SULT6B1: variants seen among roughly 807,000 people sequenced by gnomAD.
SULT6B1 encodes sulfotransferase family 6B member 1.
Under a neutral mutation model 37.2 loss-of-function variants are expected in SULT6B1, and 44 were observed. That is an observed-to-expected ratio of 1.18 (90% CI 0.93 to 1.52). SULT6B1 has a LOEUF of 1.52. Among genes scored for constraint, SULT6B1 ranks in the 40% most tolerant of loss-of-function variants. SULT6B1 has a pLI of 0.00. For missense variants in SULT6B1, 450 were observed against 361.0 expected, an observed-to-expected ratio of 1.25 and a Z score of -2.00; for synonymous variants, 140 against 126.0, an observed-to-expected ratio of 1.11 and a Z score of -0.74.
intron 5 of SULT6B1, among the ~76,000 whole-genome samples, chr2:37,174,716 C>T (rs1315914323): frequency 6.6e-6 from 1 of 152,196 alleles, no homozygotes; most frequent in Non-Finnish European, 1.5e-5. Context: ...TGTCTGTTCA[C>T]TGATGTAACA....
chr2:37,189,286 A>G (rs994097367), upstream of SULT6B1, among the ~76,000 whole-genome samples: 1 of 152,232 alleles, frequency 6.6e-6, no homozygotes, highest in Non-Finnish European at 1.5e-5. Flanking sequence ...GTTACCCCAT[A>G]TGGGTCTGCA....
chr2:37,183,797 C>G (rs1478869739), intron 2 of SULT6B1, among the ~76,000 whole-genome samples: 4 of 152,140 alleles, frequency 2.6e-5, no homozygotes, highest in African/African-American at 9.7e-5. Context: ...GTATCTACCA[C>G]CATGCCCAGT....
At chr2:37,168,722 G>A (rs1326443222) in intron 6 of SULT6B1, among the ~76,000 whole-genome samples, 3 of 152,062 alleles carry the variant, frequency 2.0e-5, no homozygotes, top group Admixed American at 1.3e-4. Context: ...GCAAGTTTTC[G>A]TTAAGACCTC....
At chr2:37,194,420 G>A (rs1437222022) in intron 1 of SULT6B1, 2 of 431,220 alleles carry the variant, frequency 4.6e-6, no homozygotes, top group Non-Finnish European at 9.0e-6. Flanking sequence ...AGGTACATAG[G>A]TAATCAAAGT....
At chr2:37,191,879 A>G (rs1572469087), upstream of SULT6B1, among the ~76,000 whole-genome samples, 1 of 152,238 alleles carries the variant, frequency 6.6e-6, no homozygotes, top group Non-Finnish European at 1.5e-5. Context: ...TTAGCATGCT[A>G]TAACACCCGC....
upstream of SULT6B1, chr2:37,189,754 C>T (rs1676745584): frequency 6.6e-6 from 1 of 152,288 alleles, no homozygotes; most frequent in African/African-American, 2.4e-5. Flanking sequence ...CTTTCTCTAG[C>T]AGCCACTCTC....
intron 4 of SULT6B1, among the ~76,000 whole-genome samples, chr2:37,175,881 A>G (rs185616216): frequency 4.4e-4 from 67 of 152,364 alleles, no homozygotes; most frequent in Non-Finnish European, 1.9e-4. Flanking sequence ...TAAAACGTAC[A>G]GTTTAAAAAG....
intron 1 of SULT6B1, chr2:37,194,851 TCCTCCCTCCCTCCCTC>T (rs201487451): frequency 1.1e-5 from 1 of 94,360 alleles, no homozygotes; most frequent in Non-Finnish European, 2.2e-5. Context: ...TCTCCTTCCT[TCCTCCCTCCCTCCCTC>T]CCTCCCTCCC....
chr2:37,179,525 G>T lies in SULT6B1; in HGVS notation c.462C>A (p.Asn154Lys). Residue 154 changes from asparagine (N) to lysine (K), a missense_variant, in exon 4 of 7, where the codon AAC becomes AAA. Coordinates refer to ENST00000535679, the MANE Select transcript of SULT6B1 (RefSeq NM_001367551.1). ...DTAVSFLHFH[N>K]DVPDIPSYGS... is the part of the protein sequence containing the mutation. The stretch of plus-strand genomic sequence containing the variant: ...CATAGCTTGGAATATCGGGGACATC[G>T]TTGTGGAAATGCAAAAAAGATACTG... 6.2e-7 allele frequency: 1 copy of T among 1,613,890 alleles called. No individual in the cohort carries two copies. Among genetic ancestry groups the T allele is most frequent in the Non-Finnish European group, 8.5e-7 (1 of 1,179,858 alleles).
At chr2:37,171,663 G>A in intron 5 of SULT6B1, 73 bp from the exon 6 acceptor site, 2 of 1,456,414 alleles carry the variant, frequency 1.4e-6, no homozygotes, top group Non-Finnish European at 1.9e-6. Context: ...AGACTTTTTA[G>A]TCATCAGAGT....
At position 37,181,168 on chromosome 2, in the gene SULT6B1, GTA is replaced by G. The variant is rs1376007121; in HGVS notation, c.403-1586_403-1585del. ...GATCAATGGGTCTGGGTCTTGTCTT[GTA>G]CTTAGATCTAACACTCTTCCCTCCC... On this transcript the variant is annotated intron_variant, in intron 3 of 6. Coordinates refer to ENST00000535679, the MANE Select transcript of SULT6B1 (RefSeq NM_001367551.1). Among the ~76,000 whole-genome samples the G allele has an allele frequency of 9.9e-5, 15 of 152,194 alleles. No homozygotes were observed. The East Asian group carries it at 2.9e-3, about 29-fold the overall frequency.
chr2:37,195,823 T>C (rs1464342506), intron 1 of SULT6B1, among the ~76,000 whole-genome samples: 2 of 89,588 alleles, frequency 2.2e-5, no homozygotes, highest in East Asian at 1.4e-3. Flanking sequence ...TCAGTAGTTC[T>C]GCATTTTTTT....
intron 2 of SULT6B1, among the ~76,000 whole-genome samples, chr2:37,186,439 C>T (rs886298034): frequency 6.6e-6 from 1 of 152,184 alleles, no homozygotes; most frequent in Non-Finnish European, 1.5e-5. Context: ...TCCTATCTCA[C>T]ATCCAAGACC....
rs796719619 is a variant in SULT6B1, at chr2:37,172,513, CT to C, written c.625-924del. 3.9e-3 allele frequency among the ~76,000 whole-genome samples: 571 copies of C among 147,632 alleles called. 4 individuals carry two copies. The highest frequency in any genetic ancestry group is 0.012 in the African/African-American group (504 of 40,570). ...AACAGAAAGGGTCGATTAAATCTCA[CT>C]TTTTTTTTTTGAGACGGAGTTTCTC... On this transcript the variant is annotated intron_variant, in intron 5 of 6. Coordinates refer to ENST00000535679, the MANE Select transcript of SULT6B1 (RefSeq NM_001367551.1).
At chr2:37,186,790 G>A (rs1676684207) in intron 2 of SULT6B1, among the ~76,000 whole-genome samples, 1 of 152,144 alleles carries the variant, frequency 6.6e-6, no homozygotes, top group South Asian at 2.1e-4. Context: ...CAGCTACTCA[G>A]GAGGGTGAAG....
intron 5 of SULT6B1, among the ~76,000 whole-genome samples, chr2:37,174,206 G>A (rs1443752739): frequency 6.7e-6 from 1 of 148,188 alleles, no homozygotes; most frequent in Non-Finnish European, 1.5e-5. Context: ...CCTCAGTAAG[G>A]TCTCTCCTAA....
At chr2:37,182,036 A>T (rs1572462217) in intron 3 of SULT6B1, among the ~76,000 whole-genome samples, 1 of 152,248 alleles carries the variant, frequency 6.6e-6, no homozygotes, top group East Asian at 1.9e-4. Context: ...TTCCCATTTT[A>T]AGCTACTAGG....
chr2:37,194,906 TTCCTTCCTTCCTTCCTTCC>T (rs56669030), intron 1 of SULT6B1, among the ~76,000 whole-genome samples: 257 of 25,650 alleles, frequency 0.01, 9 homozygotes, highest in African/African-American at 0.043. Context: ...CTTTCCTTCC[TTCCTTCCTTCCTTCCTTCC>T]TTCCTTCCTT....
intron 6 of SULT6B1, among the ~76,000 whole-genome samples, chr2:37,169,825 A>C (rs1423814937): frequency 6.6e-6 from 1 of 152,168 alleles, no homozygotes; most frequent in Admixed American, 6.6e-5. Flanking sequence ...AATAAAATTT[A>C]ATCCCAACAA....
Sources: allele counts gnomAD v4.1 joint callset (sites outside exome capture counted in the v4.1 genomes callset), GRCh38; gene constraint gnomAD v4.1.1; transcripts MANE v1.5; gene names NCBI Gene and HGNC (gene_info 2026-07-23, HGNC 2026-07-21).